KBTBD8: variants seen among roughly 807,000 people sequenced by gnomAD.
The protein encoded by KBTBD8 is kelch repeat and BTB domain containing 8.
Under a neutral mutation model 53.5 loss-of-function variants are expected in KBTBD8, and 31 were observed. The observed-to-expected ratio is 0.58, with a 90% CI of 0.44 to 0.78. The LOEUF (loss-of-function observed/expected upper bound fraction) is 0.78. Ranked by LOEUF, KBTBD8 falls within the 30% of genes least tolerant of loss-of-function variation. The pLI, the probability that KBTBD8 is intolerant of heterozygous loss-of-function variation, is 0.00. For synonymous variants in KBTBD8, 250 were observed against 247.3 expected, an observed-to-expected ratio of 1.01 and a Z score of -0.10; for missense variants, 642 against 735.8, an observed-to-expected ratio of 0.87 and a Z score of 1.48.
chr3:67,002,412 G>A (rs1702024948), intron 2 of KBTBD8, among the ~76,000 whole-genome samples: 1 of 151,580 alleles, frequency 6.6e-6, no homozygotes, highest in African/African-American at 2.4e-5. Context: ...GATATATTTT[G>A]GATACAAGTT....
At chr3:67,004,433 T>G in intron 3 of KBTBD8, 124 bp downstream of exon 3, 1 of 879,954 alleles carries the variant, frequency 1.1e-6, no homozygotes, top group Middle Eastern at 2.4e-4. Flanking sequence ...CTTATCAAAC[T>G]ATTGGAACAG....
chr3:67,007,927 T>C lies in KBTBD8; in HGVS notation c.1348T>C (p.Phe450Leu), dbSNP rs201073079. The C allele has an allele frequency of 6.0e-4, 897 of 1,487,060 alleles. No individual in the cohort carries two copies. The highest frequency in any genetic ancestry group is 7.5e-4 in the Non-Finnish European group (836 of 1,109,616). 92.1% of individuals were successfully genotyped at this position (1,487,060 alleles called of 1,614,324 possible). The change falls in exon 4 of 4, where the codon TTT becomes CTT. Residue 450 changes from phenylalanine (F) to leucine (L), a missense_variant. Transcript: ENST00000417314. Reference sequence around the variant, plus strand: ...TTTCTTTTTTTTTTTTTTAGGAGAATTTTTTCTCTTCTATGAGCCTCAAAA... The same window carrying C: ...TTTCTTTTTTTTTTTTTTAGGAGAACTTTTTCTCTTCTATGAGCCTCAAAA... Reference protein sequence around the residue: ...KEKIYVLQGEFFLFYEPQKDY... With the variant: ...KEKIYVLQGELFLFYEPQKDY...
At chr3:67,007,581 A>G (rs1702079543) in intron 3 of KBTBD8, among the ~76,000 whole-genome samples, 2 of 152,024 alleles carry the variant, frequency 1.3e-5, no homozygotes, top group African/African-American at 4.8e-5. Context: ...AGCCTCCCAA[A>G]GTGCTGGGAT....
intron 3 of KBTBD8, among the ~76,000 whole-genome samples, chr3:67,005,682 C>CT (rs1342996688): frequency 0.026 from 3,738 of 144,038 alleles, 78 homozygotes; most frequent in African/African-American, 0.053. Context: ...CTTTCTTTCT[C>CT]TTTTTTTTTT....
At position 67,009,572 on chromosome 3, in the gene KBTBD8, T is replaced by A. The variant is rs996846180; in HGVS notation, c.*1187T>A. 1 of 152,584 alleles carries A rather than the reference T, an allele frequency of 6.6e-6. No individual in the cohort carries two copies. Among genetic ancestry groups the A allele is most frequent in the African/African-American group, 2.4e-5 (1 of 41,448 alleles). 9.5% of individuals were successfully genotyped at this position (152,584 alleles called of 1,614,324 possible). A position where few individuals can be genotyped will look rare whatever the true frequency, so the allele number is the denominator to read the frequency against. On this transcript the variant is annotated 3_prime_UTR_variant, in exon 4 of 4. Coordinates refer to ENST00000417314, the MANE Select transcript of KBTBD8 (RefSeq NM_032505.3). ...TTGCACTTAACAGTGATGAATACTT[T>A]TACGTTGGAATCCTCCTTCTAGCTG...
chr3:67,005,915 C>T (rs190638841), intron 3 of KBTBD8, among the ~76,000 whole-genome samples: 65 of 152,234 alleles, frequency 4.3e-4, no homozygotes, highest in African/African-American at 1.5e-3. Context: ...ACCTTGGCCT[C>T]CCACCATTGT....
chr3:66,998,922 C>G, intron 1 of KBTBD8, 59 bp from the exon 2 acceptor site: 1 of 1,345,816 alleles, frequency 7.4e-7, no homozygotes, highest in South Asian at 1.3e-5. Context: ...ACAGAAAAAT[C>G]CCGCGATGCC....
At chr3:66,999,737 A>T (rs1161290930) in intron 2 of KBTBD8, among the ~76,000 whole-genome samples, 1 of 152,218 alleles carries the variant, frequency 6.6e-6, no homozygotes, top group Non-Finnish European at 1.5e-5. Flanking sequence ...TAAAACATGT[A>T]GCATGTTCCT....
In KBTBD8 at chr3:67,003,183, T is replaced by C; in HGVS notation, c.228-12T>C. The stretch of plus-strand genomic sequence containing the variant: ...AGCACACGTGTAATATTAACCACTC[T>C]TTCCTTCTTAGATCCATGTTCACTA... On this transcript the variant is annotated splice_polypyrimidine_tract_variant and intron_variant, in intron 2 of 3. Coordinates refer to ENST00000417314, the MANE Select transcript of KBTBD8 (RefSeq NM_032505.3). The C allele has an allele frequency of 6.2e-7, 1 of 1,605,064 alleles. No homozygotes were observed. The highest frequency in any genetic ancestry group is 8.5e-7 in the Non-Finnish European group (1 of 1,172,442).
rs1272658588 is a variant in KBTBD8, at chr3:67,003,494, G to C, written c.527G>C (p.Arg176Pro). 1 of 1,614,048 alleles carries C rather than the reference G, an allele frequency of 6.2e-7. No individual in the cohort carries two copies. The highest frequency in any genetic ancestry group is 8.5e-7 in the Non-Finnish European group (1 of 1,179,980). Reference sequence around the variant, plus strand: ...GGAGATCGATCAAAAGAATACATTCGTAAAAAGTTTCTGTGTGTCACCAAA... The same window carrying C: ...GGAGATCGATCAAAAGAATACATTCCTAAAAAGTTTCTGTGTGTCACCAAA... ...ELGDRSKEYI[R>P]KKFLCVTKEQ... Residue 176 changes from arginine to proline, a missense_variant, in exon 3 of 4, where the codon CGT becomes CCT. Transcript: ENST00000417314.
In KBTBD8 at chr3:67,000,839, ATT is replaced by A. The variant is rs1702012813; in HGVS notation, c.227+1649_227+1650del. ...TTATGTATGCTTACTAAGTATACTT[ATT>A]AAGTATAATACTTAGTAAGCATACA... On this transcript the variant is annotated intron_variant, in intron 2 of 3. Coordinates refer to ENST00000417314, the MANE Select transcript of KBTBD8 (RefSeq NM_032505.3). Among the ~76,000 whole-genome samples, 6 of 152,104 alleles carry A rather than the reference ATT, an allele frequency of 3.9e-5. No individual in the cohort carries two copies. In the South Asian group the frequency reaches 1.2e-3, roughly 32 times the overall value.
At chr3:67,007,881 TA>T in intron 3 of KBTBD8, 40 bp from the exon 4 acceptor site, 1 of 1,252,474 alleles carries the variant, frequency 8.0e-7, no homozygotes, top group Non-Finnish European at 1.1e-6. Context: ...AAACCAAACA[TA>T]AAAATTTACA....
intron 1 of KBTBD8, among the ~76,000 whole-genome samples, 183 bp downstream of exon 1, chr3:66,998,554 C>T (rs928926227): frequency 6.6e-6 from 1 of 151,910 alleles, no homozygotes; most frequent in Non-Finnish European, 1.5e-5. Context: ...CCGGCGGGAC[C>T]GGGATGGGGA....
Position 67,007,982 on chromosome 3 carries a change from C to G in KBTBD8, c.1403C>G (p.Thr468Ser). 1 of 1,612,798 alleles carries G rather than the reference C, an allele frequency of 6.2e-7. No individual in the cohort carries two copies. The highest frequency in any genetic ancestry group is 8.5e-7 in the Non-Finnish European group (1 of 1,179,684). ...TACTGGGGTTTCTTAACCCCCATGA[C>G]TGTGCCTAGAATCCAGGGCTTAGCA... ...KDYWGFLTPM[T>S]VPRIQGLAAV... Residue 468 changes from threonine (T) to serine (S), a missense_variant, in exon 4 of 4, where the codon ACT becomes AGT. Transcript: ENST00000417314.
At position 67,004,221 on chromosome 3, in the gene KBTBD8, G is replaced by A; in HGVS notation, c.1254G>A (p.Glu418=). Residue 418 remains glutamate, a synonymous_variant, in exon 3 of 4, where the codon GAG becomes GAA. Transcript: ENST00000417314. ...LKSVECYDSR[E]NCWTTVCAMP... is the part of the protein sequence containing the mutation. ...CTGTTGAGTGCTACGACAGTAGAGAGAATTGTTGGACGACTGTTTGCGCGA... is the reference window on the plus strand; with the variant it reads ...CTGTTGAGTGCTACGACAGTAGAGAAAATTGTTGGACGACTGTTTGCGCGA... The A allele has an allele frequency of 6.2e-7, 1 of 1,614,084 alleles. No individual in the cohort carries two copies. The highest frequency in any genetic ancestry group is 2.2e-5 in the East Asian group (1 of 44,898).
At chr3:66,998,951 CTTGTAG>C (rs1701990005) in intron 1 of KBTBD8, 24 bp from the exon 2 acceptor site, 2 of 1,528,166 alleles carry the variant, frequency 1.3e-6, no homozygotes, top group Non-Finnish European at 1.8e-6. Flanking sequence ...CTCGGCACTT[CTTGTAG>C]TTGTACGATT....
At chr3:66,998,828 C>T in intron 1 of KBTBD8, 153 bp from the exon 2 acceptor site, 1 of 648,628 alleles carries the variant, frequency 1.5e-6, no homozygotes, top group Non-Finnish European at 2.7e-6. Context: ...ATCCTTAACT[C>T]GCGGTCCCAC....
At chr3:67,001,739 A>T (rs1453201687) in intron 2 of KBTBD8, among the ~76,000 whole-genome samples, 2 of 152,242 alleles carry the variant, frequency 1.3e-5, no homozygotes, top group Non-Finnish European at 2.9e-5. Flanking sequence ...TACATTGTAG[A>T]AGTAAAAACA....
At position 67,004,003 on chromosome 3, in the gene KBTBD8, A is replaced by C; in HGVS notation, c.1036A>C (p.Ser346Arg). The change falls in exon 3 of 4, where the codon AGC (serine) becomes CGC (arginine). Residue 346 changes from serine to arginine, a missense_variant. Ser to Arg is a moderately radical substitution (Grantham distance 110, BLOSUM62 -1). Coordinates refer to ENST00000417314, the MANE Select transcript of KBTBD8 (RefSeq NM_032505.3). Reference protein sequence around the residue: ...DIYIAGGYRPSSSEVSIDHKA... With the variant: ...DIYIAGGYRPRSSEVSIDHKA... ...TTACATTGCAGGAGGGTACAGGCCA[A>C]GCAGCAGTGAGGTCTCCATCGACCA... 6.2e-7 allele frequency: 1 copy of C among 1,614,200 alleles called. No homozygotes were observed. Among genetic ancestry groups the C allele is most frequent in the East Asian group, 2.2e-5 (1 of 44,884 alleles).
Sources: gnomAD v4.1 joint callset for allele counts (sites outside exome capture counted in the v4.1 genomes callset) on GRCh38, gnomAD v4.1.1 for gene constraint, MANE v1.5 for transcripts, NCBI Gene and HGNC (gene_info 2026-07-23, HGNC 2026-07-21) for gene names.